PCDHGA9: variants seen among roughly 807,000 people sequenced by gnomAD.
The protein encoded by PCDHGA9 is protocadherin gamma subfamily A, 9.
A neutral mutation model predicts 62.5 loss-of-function variants in PCDHGA9; 37 were observed. That is an observed-to-expected ratio of 0.59 (90% CI 0.46 to 0.78). The LOEUF (loss-of-function observed/expected upper bound fraction) is 0.78. Among genes scored for constraint, PCDHGA9 ranks in the 30% least tolerant of loss-of-function variants. PCDHGA9 has a pLI of 0.00. For synonymous variants in PCDHGA9, 459 were observed against 484.6 expected (o/e 0.95, Z 0.69); for missense variants, 1,138 against 1,166.2 (o/e 0.98, Z 0.35).
At position 141,432,349 on chromosome 5, in the gene PCDHGA9, G is replaced by T; in HGVS notation, c.2424+26973G>T. On this transcript the variant is annotated intron_variant, in intron 1 of 3. Transcript: ENST00000573521. This position sits in a 1 kb window ranked among gnomAD's most constrained non-coding sequence, Gnocchi z 6.0. Reference sequence around the variant, plus strand: ...ACGAGCAGTTCCGAGACTTGCAAGTGAAAGTGATGGCGCGGGACAACGGGC... The same window carrying T: ...ACGAGCAGTTCCGAGACTTGCAAGTTAAAGTGATGGCGCGGGACAACGGGC... 4 of 1,614,240 alleles carry T rather than the reference G, an allele frequency of 2.5e-6. No homozygotes were observed. Among genetic ancestry groups the T allele is most frequent in the Non-Finnish European group, 1.7e-6 (2 of 1,180,046 alleles).
Position 141,486,676 on chromosome 5 carries a change from T to A in PCDHGA9, c.2425-8131T>A, listed in dbSNP as rs375080564. On this transcript the variant is annotated intron_variant, in intron 1 of 3. Coordinates refer to ENST00000573521, the MANE Select transcript of PCDHGA9 (RefSeq NM_018921.3). This position sits in a 1 kb window ranked among gnomAD's most constrained non-coding sequence, Gnocchi z 5.0. ...CACTCCTGGAGCCCAGGAATCGAGA[T>A]GTATCAGCTTCCTCTTTCATCTCTC... 3 of 1,614,002 alleles carry A rather than the reference T, an allele frequency of 1.9e-6. No homozygotes were observed. The highest frequency in any genetic ancestry group is 2.5e-6 in the Non-Finnish European group (3 of 1,180,036).
intron 1 of PCDHGA9, among the ~76,000 whole-genome samples, chr5:141,457,900 A>C (rs2098931922): frequency 6.7e-6 from 1 of 149,818 alleles, no homozygotes; most frequent in Admixed American, 6.6e-5. Context: ...CTGTGTAGAC[A>C]AGGTGTGAGG....
At chr5:141,455,874 T>C (rs2098834969) in intron 1 of PCDHGA9, among the ~76,000 whole-genome samples, 1 of 146,458 alleles carries the variant, frequency 6.8e-6, no homozygotes, top group South Asian at 2.1e-4. Flanking sequence ...TTTATTTATT[T>C]ATTTATTTAT....
chr5:141,489,151 AAG>A lies in PCDHGA9; in HGVS notation c.2425-5652_2425-5651del. ...TTTTTAAGAGGCTGGAAGGAGACAT[AAG>A]AGACTTCAGCTGCTGCATTCCAAGC... On this transcript the variant is annotated intron_variant, in intron 1 of 3. Coordinates refer to ENST00000573521, the MANE Select transcript of PCDHGA9 (RefSeq NM_018921.3). The surrounding 1 kb of genome is among the most constrained non-coding windows in gnomAD (Gnocchi z 4.5). The A allele has an allele frequency of 1.1e-6, 1 of 932,970 alleles. No homozygotes were observed. The highest frequency in any genetic ancestry group is 1.6e-6 in the Non-Finnish European group (1 of 622,054). 57.8% of individuals were successfully genotyped at this position (932,970 alleles called of 1,614,324 possible).
intron 1 of PCDHGA9, among the ~76,000 whole-genome samples, chr5:141,454,907 A>T (rs1304287479): frequency 1.4e-5 from 2 of 139,080 alleles, no homozygotes; most frequent in East Asian, 4.3e-4. Context: ...TCCCGGGTTC[A>T]CGCCATTCTC....
chr5:141,415,197 A>G, intron 1 of PCDHGA9: 1 of 1,614,016 alleles, frequency 6.2e-7, no homozygotes, highest in African/African-American at 1.3e-5. Context: ...GCATCCCCCA[A>G]GTCCTGGCGG....
intron 1 of PCDHGA9, chr5:141,421,154 G>A: frequency 8.7e-7 from 1 of 1,151,318 alleles, no homozygotes; most frequent in South Asian, 1.6e-5. Flanking sequence ...GTCGGCCTAG[G>A]ACTTCATAGA....
intron 1 of PCDHGA9, among the ~76,000 whole-genome samples, chr5:141,481,259 C>T (rs1176419744): frequency 1.3e-5 from 2 of 152,146 alleles, no homozygotes; most frequent in African/African-American, 4.8e-5. Context: ...TCTAAAAGAT[C>T]ACTGTAGGAA....
In PCDHGA9 at chr5:141,491,789, T is replaced by G; in HGVS notation, c.2425-3018T>G. The G allele has an allele frequency of 6.6e-7, 1 of 1,525,854 alleles. No individual in the cohort carries two copies. Among genetic ancestry groups the G allele is most frequent in the Non-Finnish European group, 8.8e-7 (1 of 1,137,340 alleles). The allele number at this position is 1,525,854 out of a possible 1,614,324, so 94.5% of individuals were successfully genotyped here. ...CATAAGGGATTGAACTTGCATCCAC[T>G]CCTCTCCGGCCGGCTTGGTCGCTGG... On this transcript the variant is annotated intron_variant, in intron 1 of 3. Transcript: ENST00000573521. The surrounding 1 kb of genome is among the most constrained non-coding windows in gnomAD (Gnocchi z 6.9).
rs114847835 is a variant in PCDHGA9, at chr5:141,486,500, C to T, written c.2425-8307C>T. The T allele has an allele frequency of 6.2e-6, 10 of 1,614,008 alleles. No homozygotes were observed. The East Asian group carries it at 1.8e-4, about 29-fold the overall frequency. On this transcript the variant is annotated intron_variant, in intron 1 of 3. Coordinates refer to ENST00000573521, the MANE Select transcript of PCDHGA9 (RefSeq NM_018921.3). This position sits in a 1 kb window ranked among gnomAD's most constrained non-coding sequence, Gnocchi z 5.0. ...TCTCAGTACCCACAGAACTATTTTCCTCAATATTTCAGATGTGAATGATAA... is the reference window on the plus strand; with the variant it reads ...TCTCAGTACCCACAGAACTATTTTCTTCAATATTTCAGATGTGAATGATAA...
rs761704779 is a variant in PCDHGA9 at position 141,486,764 on chromosome 5, C to T, written c.2425-8043C>T. ...CTTTGACTATGAGCAAACCCAGACA[C>T]TGCAGTTTGAGGTGCAGGCCCGGGA... On this transcript the variant is annotated intron_variant, in intron 1 of 3. Transcript: ENST00000573521. This position sits in a 1 kb window ranked among gnomAD's most constrained non-coding sequence, Gnocchi z 5.0. 6.2e-7 allele frequency: 1 copy of T among 1,614,264 alleles called. No homozygotes were observed. The highest frequency in any genetic ancestry group is 2.2e-5 in the East Asian group (1 of 44,880).
In PCDHGA9 at chr5:141,432,958, A is replaced by C; in HGVS notation, c.2424+27582A>C. 6.2e-7 allele frequency: 1 copy of C among 1,614,182 alleles called. No individual in the cohort carries two copies. Among genetic ancestry groups the C allele is most frequent in the African/African-American group, 1.3e-5 (1 of 75,056 alleles). On this transcript the variant is annotated intron_variant, in intron 1 of 3. Transcript: ENST00000573521. This position sits in a 1 kb window ranked among gnomAD's most constrained non-coding sequence, Gnocchi z 6.0. ...TGCAGGCTTCAGGAGGCGGCTTGAC[A>C]GGAGCGCCGGCGTCGCACTTTGTGG...
rs750109717 is a variant in PCDHGA9, at chr5:141,490,546, A to C, written c.2425-4261A>C. 1.9e-6 allele frequency: 3 copies of C among 1,614,110 alleles called. No individual in the cohort carries two copies. Among genetic ancestry groups the C allele is most frequent in the Non-Finnish European group, 2.5e-6 (3 of 1,180,036 alleles). On this transcript the variant is annotated intron_variant, in intron 1 of 3. Transcript: ENST00000573521. The surrounding 1 kb of genome is among the most constrained non-coding windows in gnomAD (Gnocchi z 5.4). ...CGATGCTGGTTCACCTTCCCTACAC[A>C]AACATCTCACCATCAGGCTCAACAT...
chr5:141,458,404 G>A lies in PCDHGA9; in HGVS notation c.2425-36403G>A, dbSNP rs183963289. Among the ~76,000 whole-genome samples the A allele has an allele frequency of 4.6e-5, 7 of 152,218 alleles. No homozygotes were observed. The East Asian group carries it at 5.8e-4, about 13-fold the overall frequency. ...GGAAGACGCTCCCCCTTGCAGAGAC[G>A]GAGCGGGGGTTCCAAAGCTGAAAGA... On this transcript the variant is annotated intron_variant, in intron 1 of 3. Transcript: ENST00000573521.
At chr5:141,407,013 C>T (rs550387003) in intron 1 of PCDHGA9, among the ~76,000 whole-genome samples, 28 of 152,216 alleles carry the variant, frequency 1.8e-4, no homozygotes, top group Middle Eastern at 6.8e-3. Context: ...TTGAAGTTGA[C>T]TCAAAATTCT....
chr5:141,494,678 G>A, intron 1 of PCDHGA9, 129 bp from the exon 2 acceptor site: 1 of 1,554,384 alleles, frequency 6.4e-7, no homozygotes, highest in Non-Finnish European at 8.7e-7. Flanking sequence ...GTCCACCCCT[G>A]CCCCCTCTTA....
In PCDHGA9 at chr5:141,404,595, T is replaced by C. The variant is rs1035989165; in HGVS notation, c.1643T>C (p.Leu548Ser). Residue 548 changes from leucine to serine, a missense_variant, in exon 1 of 4, where the codon TTG becomes TCG. Physicochemically the swap from Leu to Ser is moderately radical, Grantham distance 145 (BLOSUM62 -2). Transcript: ENST00000573521. ...GSPPLSSNVS[L>S]RLFVLDQNDN... ...CCACCACTTAGCAGCAATGTGTCAT[T>C]GAGACTGTTTGTTTTGGACCAGAAT... is the stretch of plus-strand genomic sequence containing the variant. 44 of 1,613,678 alleles carry C rather than the reference T, an allele frequency of 2.7e-5. No homozygotes were observed. Among genetic ancestry groups the C allele is most frequent in the Non-Finnish European group, 3.6e-5 (43 of 1,179,690 alleles).
chr5:141,489,636 C>A lies in PCDHGA9; in HGVS notation c.2425-5171C>A, dbSNP rs753380268. 3.8e-5 allele frequency: 62 copies of A among 1,614,074 alleles called. No individual in the cohort carries two copies. The highest frequency in any genetic ancestry group is 5.1e-5 in the Non-Finnish European group (60 of 1,180,038). ...TGGATCTCAATGACAACTCTCCTAG[C>A]TTTGCCACCCCTGAGCGAGAGATGC... is the stretch of plus-strand genomic sequence containing the variant. On this transcript the variant is annotated intron_variant, in intron 1 of 3. Coordinates refer to ENST00000573521, the MANE Select transcript of PCDHGA9 (RefSeq NM_018921.3). The surrounding 1 kb of genome is among the most constrained non-coding windows in gnomAD (Gnocchi z 4.5).
Position 141,432,082 on chromosome 5 carries a change from C to G in PCDHGA9, c.2424+26706C>G. The G allele has an allele frequency of 1.2e-6, 2 of 1,614,184 alleles. No individual in the cohort carries two copies. The highest frequency in any genetic ancestry group is 1.7e-6 in the Non-Finnish European group (2 of 1,180,028). On this transcript the variant is annotated intron_variant, in intron 1 of 3. Coordinates refer to ENST00000573521, the MANE Select transcript of PCDHGA9 (RefSeq NM_018921.3). This position sits in a 1 kb window ranked among gnomAD's most constrained non-coding sequence, Gnocchi z 6.0. Reference sequence around the variant, plus strand: ...CCACGGAAACTCATATCTCGCTGAACGTGGCAGACACCAACGACAACCCGC... The same window carrying G: ...CCACGGAAACTCATATCTCGCTGAAGGTGGCAGACACCAACGACAACCCGC...
Sources: gnomAD v4.1 joint callset for allele counts (sites outside exome capture counted in the v4.1 genomes callset) on GRCh38, gnomAD v4.1.1 for gene constraint, Gnocchi (gnomAD v3.1) non-coding constraint, MANE v1.5 for transcripts, NCBI Gene and HGNC (gene_info 2026-07-23, HGNC 2026-07-21) for gene names.